ANKRD11: variants seen among roughly 807,000 people sequenced by gnomAD.
ANKRD11 encodes the protein ankyrin repeat domain 11.
In ANKRD11, 17 loss-of-function variants were observed where a neutral mutation model predicts 195.7. The ratio of observed to expected loss-of-function variants is 0.09; its 90% CI spans 0.06 to 0.13. The LOEUF (loss-of-function observed/expected upper bound fraction) is 0.13. Ranked by LOEUF, ANKRD11 falls within the 10% of genes least tolerant of loss-of-function variation. The pLI is 1.00. For missense variants in ANKRD11, 3,735 were observed against 3,566.1 expected (o/e 1.05, Z -1.21); for synonymous variants, 1,953 against 1,528.1 (o/e 1.28, Z -6.49).
At chr16:89,467,903 T>G (rs776711829) in intron 1 of ANKRD11, among the ~76,000 whole-genome samples, 36 of 152,002 alleles carry the variant, frequency 2.4e-4, no homozygotes, top group Admixed American at 3.9e-4. Flanking sequence ...CGGGTTCAAG[T>G]GTTTCTCTTG....
Position 89,280,689 on chromosome 16 carries a change from G to A in ANKRD11, c.5853C>T (p.Ala1951=), listed in dbSNP as rs947129807. The change falls in exon 9 of 13, where the codon GCC becomes GCT. Residue 1951 remains alanine (A), a synonymous_variant. Coordinates refer to ENST00000301030, the MANE Select transcript of ANKRD11 (RefSeq NM_013275.6). ...AVITEEPVEW[A]HPSEQALASS... ...AGGCAAGCGCCTGCTCGGAGGGGTG[G>A]GCCCACTCAACGGGCTCCTCGGTGA... The A allele has an allele frequency of 4.3e-6, 7 of 1,613,240 alleles. No homozygotes were observed. Among genetic ancestry groups the A allele is most frequent in the Admixed American group, 3.3e-5 (2 of 60,008 alleles).
chr16:89,316,193 C>T (rs558599986), intron 3 of ANKRD11, among the ~76,000 whole-genome samples: 4 of 151,578 alleles, frequency 2.6e-5, no homozygotes, highest in Non-Finnish European at 4.4e-5. Context: ...CGATACTGTG[C>T]CTGCTGCAGA....
chr16:89,307,326 T>C (rs2036344469), intron 3 of ANKRD11, among the ~76,000 whole-genome samples: 3 of 152,270 alleles, frequency 2.0e-5, no homozygotes, highest in East Asian at 3.9e-4. Context: ...GCTCAGTCAC[T>C]CTGCATCCAC....
rs113676492 is a variant in ANKRD11, at chr16:89,341,838, G to T, written c.-59-24760C>A. Among the ~76,000 whole-genome samples, 1,381 of 151,464 alleles carry T rather than the reference G, an allele frequency of 9.1e-3. 20 individuals carry two copies. Among genetic ancestry groups the T allele is most frequent in the African/African-American group, 0.031 (1,282 of 40,902 alleles). ...CCAGCCCACAGCAGCCACGGCCCAC[G>T]GCGGGAGTGCTGCACCTCCACCCAC... On this transcript the variant is annotated intron_variant, in intron 2 of 12. Coordinates refer to ENST00000301030, the MANE Select transcript of ANKRD11 (RefSeq NM_013275.6).
intron 2 of ANKRD11, among the ~76,000 whole-genome samples, chr16:89,326,139 C>A (rs1401623746): frequency 6.6e-6 from 1 of 152,166 alleles, no homozygotes; most frequent in African/African-American, 2.4e-5. Context: ...GAAAAGCAGG[C>A]GTGTGTGTTA....
chr16:89,344,587 A>AG (rs2038849591), intron 2 of ANKRD11, among the ~76,000 whole-genome samples: 1 of 150,988 alleles, frequency 6.6e-6, no homozygotes, highest in Non-Finnish European at 1.5e-5. Context: ...CTGAGGGATA[A>AG]GCCCACAATG....
intron 2 of ANKRD11, among the ~76,000 whole-genome samples, chr16:89,341,000 C>G (rs1050262847): frequency 6.6e-6 from 1 of 152,234 alleles, no homozygotes. Flanking sequence ...AGACCAGACT[C>G]ACCAACACAC....
intron 2 of ANKRD11, among the ~76,000 whole-genome samples, chr16:89,327,095 TG>T (rs1280070046): frequency 2.2e-5 from 3 of 138,816 alleles, no homozygotes; most frequent in Admixed American, 2.1e-4. Flanking sequence ...AATGCAGAGG[TG>T]GGGAATGCAG....
chr16:89,270,307 T>C (rs912809067), intron 12 of ANKRD11: 1 of 237,714 alleles, frequency 4.2e-6, no homozygotes, highest in Admixed American at 5.3e-5. Context: ...CTGGTGACTG[T>C]ACAGGGTGAC....
At chr16:89,442,554 C>T (rs1478052419) in intron 1 of ANKRD11, among the ~76,000 whole-genome samples, 1 of 152,164 alleles carries the variant, frequency 6.6e-6, no homozygotes, top group African/African-American at 2.4e-5. Flanking sequence ...TAGGTCAAAA[C>T]AAACCTGTTT....
chr16:89,326,682 C>T (rs1054022313), intron 2 of ANKRD11, among the ~76,000 whole-genome samples: 3 of 152,142 alleles, frequency 2.0e-5, no homozygotes, highest in Non-Finnish European at 4.4e-5. Context: ...GTCGAGGCTG[C>T]AGTGAGCTAA....
chr16:89,281,061 G>A lies in ANKRD11; in HGVS notation c.5481C>T (p.Pro1827=), dbSNP rs142469039. The change falls in exon 9 of 13, where the codon CCC becomes CCT. Residue 1827 remains proline, a synonymous_variant. Transcript: ENST00000301030. The surrounding 1 kb of genome is among the most constrained non-coding windows in gnomAD (Gnocchi z 5.5). The part of the protein sequence containing the change: ...AASSYDSPMP[P]SMEDRAPLPP... ...GCAGGGGCGCCCTGTCTTCCATCGA[G>A]GGTGGCATGGGAGAGTCGTAGCTGG... The A allele has an allele frequency of 7.5e-6, 12 of 1,606,660 alleles. No individual in the cohort carries two copies. Among genetic ancestry groups the A allele is most frequent in the Non-Finnish European group, 9.4e-6 (11 of 1,174,840 alleles).
Position 89,441,699 on chromosome 16 carries a change from G to A in ANKRD11, c.-144-23331C>T, listed in dbSNP as rs191009006. Among the ~76,000 whole-genome samples, 311 of 136,058 alleles carry A rather than the reference G, an allele frequency of 2.3e-3. 3 individuals carry two copies. Among genetic ancestry groups the A allele is most frequent in the Middle Eastern group, 0.013 (3 of 224 alleles). 89.3% of individuals were successfully genotyped at this position (136,058 alleles called of 152,430 possible). A position where few individuals can be genotyped will look rare whatever the true frequency, so the allele number is the denominator to read the frequency against. Reference sequence around the variant, plus strand: ...GGAGAATGGCATGAACCCAGGAGGCGGACTATGCAGTGAGCCAAGATCGTG... The same window carrying A: ...GGAGAATGGCATGAACCCAGGAGGCAGACTATGCAGTGAGCCAAGATCGTG... On this transcript the variant is annotated intron_variant, in intron 1 of 12. Coordinates refer to ENST00000301030, the MANE Select transcript of ANKRD11 (RefSeq NM_013275.6).
intron 1 of ANKRD11, among the ~76,000 whole-genome samples, chr16:89,427,573 G>A (rs2152259646): frequency 6.6e-6 from 1 of 152,300 alleles, no homozygotes; most frequent in Middle Eastern, 3.4e-3. Context: ...GAGGCGGGAG[G>A]ATCACTTGAT....
rs2151661951 is a variant in ANKRD11 at position 89,268,743 on chromosome 16, G to A, written c.7807-80C>T. On this transcript the variant is annotated intron_variant, in intron 12 of 12. Coordinates refer to ENST00000301030, the MANE Select transcript of ANKRD11 (RefSeq NM_013275.6). ...ACTCTGCCGACCTCAGCTGCCAGCA[G>A]GGCCAAGGGCGTGATACGGCCGTGA... The A allele has an allele frequency of 2.0e-6, 3 of 1,502,348 alleles. No homozygotes were observed. In the Admixed American group the frequency reaches 5.9e-5, roughly 30 times the overall value. The allele number at this position is 1,502,348 out of a possible 1,614,324, so 93.1% of individuals were successfully genotyped here.
intron 2 of ANKRD11, among the ~76,000 whole-genome samples, chr16:89,360,343 C>A (rs1173413540): frequency 6.6e-6 from 1 of 152,192 alleles, no homozygotes; most frequent in Admixed American, 6.5e-5. Flanking sequence ...GCAATCCTCT[C>A]GAATTGGTCT....
intron 2 of ANKRD11, among the ~76,000 whole-genome samples, chr16:89,382,650 T>C (rs892587569): frequency 2.6e-5 from 4 of 151,892 alleles, no homozygotes; most frequent in East Asian, 3.9e-4. Context: ...AAATAAACAA[T>C]TCCCCCCCTC....
chr16:89,383,314 T>G (rs2040747047), intron 2 of ANKRD11, among the ~76,000 whole-genome samples: 2 of 152,224 alleles, frequency 1.3e-5, no homozygotes, highest in Non-Finnish European at 2.9e-5. Flanking sequence ...CTCCTAGCCA[T>G]GCCTGCCTGG....
chr16:89,443,060 T>C (rs927063820), intron 1 of ANKRD11, among the ~76,000 whole-genome samples: 1 of 152,208 alleles, frequency 6.6e-6, no homozygotes, highest in Non-Finnish European at 1.5e-5. Flanking sequence ...TGGTGCAATC[T>C]TGGCTCACTG....
Sources: allele counts gnomAD v4.1 joint callset (sites outside exome capture counted in the v4.1 genomes callset), GRCh38; gene constraint gnomAD v4.1.1; non-coding constraint Gnocchi (gnomAD v3.1); transcripts MANE v1.5; gene names NCBI Gene and HGNC (gene_info 2026-07-23, HGNC 2026-07-21).